Variants in TUT7 observed in about 807,000 individuals in gnomAD.
TUT7 encodes the protein terminal uridylyl transferase 7.
TUT7 carries 33 observed loss-of-function variants against 165.9 expected under a neutral mutation model. That is an observed-to-expected ratio of 0.20 (90% CI 0.15 to 0.27). TUT7 has a LOEUF of 0.27. Among genes scored for constraint, TUT7 ranks in the 10% least tolerant of loss-of-function variants. TUT7 has a pLI of 1.00. For synonymous variants in TUT7, 552 were observed against 608.1 expected (o/e 0.91, Z 1.36); for missense variants, 1,338 against 1,762.3 (o/e 0.76, Z 4.31).
chr9:86,319,929 C>G (rs1288300161), intron 14 of TUT7, among the ~76,000 whole-genome samples: 1 of 152,124 alleles, frequency 6.6e-6, no homozygotes, highest in Non-Finnish European at 1.5e-5. Flanking sequence ...GCCTCCCAGG[C>G]TCAAGCCATC....
At chr9:86,289,302 AAT>A (rs975823353) in intron 26 of TUT7, among the ~76,000 whole-genome samples, 2 of 152,200 alleles carry the variant, frequency 1.3e-5, no homozygotes, top group Admixed American at 1.3e-4. Context: ...AGTCTGAACA[AAT>A]AGATCAACGA....
intron 14 of TUT7, among the ~76,000 whole-genome samples, chr9:86,319,925 C>T (rs1464435816): frequency 6.6e-6 from 1 of 152,136 alleles, no homozygotes; most frequent in East Asian, 1.9e-4. Context: ...CTCTGCCTCC[C>T]AGGCTCAAGC....
At chr9:86,309,400 G>A in intron 20 of TUT7, 63 bp downstream of exon 20, 1 of 1,488,970 alleles carries the variant, frequency 6.7e-7, no homozygotes, top group Non-Finnish European at 9.2e-7. Flanking sequence ...AATTTTAGAG[G>A]AGGAGAAAGG....
intron 5 of TUT7, among the ~76,000 whole-genome samples, chr9:86,343,934 T>C (rs373392560): frequency 2.0e-5 from 3 of 152,318 alleles, no homozygotes; most frequent in African/African-American, 4.8e-5. Flanking sequence ...AGTGATTTCT[T>C]TGGGTTTTAG....
rs182711239 is a variant in TUT7, at chr9:86,296,902, A to G, written c.4420+4374T>C. 1.3e-4 allele frequency among the ~76,000 whole-genome samples: 20 copies of G among 152,366 alleles called. 1 individual carries two copies. In the Middle Eastern group the frequency reaches 0.031, roughly 233 times the overall value. On this transcript the variant is annotated intron_variant, in intron 26 of 26. Coordinates refer to ENST00000375963, the MANE Select transcript of TUT7 (RefSeq NM_024617.4). The stretch of plus-strand genomic sequence containing the variant: ...TATATCACAGATAAACTAGACAGTT[A>G]TATCATCTGACATATACTTATTTGG...
intron 26 of TUT7, chr9:86,298,928 A>G: frequency 3.8e-6 from 2 of 519,542 alleles, no homozygotes; most frequent in African/African-American, 4.1e-5. Context: ...GAAATAAGGC[A>G]TGTGGGTGGC....
intron 11 of TUT7, 117 bp from the exon 12 acceptor site, chr9:86,325,631 G>T: frequency 1.1e-6 from 1 of 884,774 alleles, no homozygotes; most frequent in Non-Finnish European, 1.7e-6. Context: ...AAAGATATAA[G>T]CCTGACAATC....
intron 5 of TUT7, among the ~76,000 whole-genome samples, chr9:86,343,879 A>G (rs902107842): frequency 8.5e-5 from 13 of 152,168 alleles, no homozygotes; most frequent in African/African-American, 3.1e-4. Context: ...ATCCTTTCTC[A>G]TCAGGGGTTG....
rs1368816553 is a variant in TUT7, at chr9:86,340,990, A to C, written c.1138+12T>G. The C allele has an allele frequency of 6.2e-7, 1 of 1,606,504 alleles. No individual in the cohort carries two copies. The highest frequency in any genetic ancestry group is 8.5e-7 in the Non-Finnish European group (1 of 1,175,692). On this transcript the variant is annotated intron_variant, in intron 7 of 26. Coordinates refer to ENST00000375963, the MANE Select transcript of TUT7 (RefSeq NM_024617.4). ...AACATAAAAATTTTTTAAATGTGGA[A>C]TTTGGCCTTACCACTGTTCTTTAAA...
chr9:86,345,085 T>A lies in TUT7; in HGVS notation c.889A>T (p.Ile297Phe). 6.2e-7 allele frequency: 1 copy of A among 1,613,890 alleles called. No homozygotes were observed. Among genetic ancestry groups the A allele is most frequent in the Non-Finnish European group, 8.5e-7 (1 of 1,179,886 alleles). ...TCCTGTACCACTTTGTCAATGGCAA[T>A]GCCAACTGCATTTATCTGGGAGGGT... is the stretch of plus-strand genomic sequence containing the variant. ...PTPSQINAVG[I>F]AIDKVVQEFG... The change falls in exon 5 of 27, where the codon ATT becomes TTT. Residue 297 changes from isoleucine to phenylalanine, a missense_variant. Around this residue, in one of 7 missense-constraint regions of TUT7, gnomAD observed 434 missense variants for 480.8 expected, o/e 0.90. Coordinates refer to ENST00000375963, the MANE Select transcript of TUT7 (RefSeq NM_024617.4).
At chr9:86,318,080 A>G (rs1828896457) in intron 16 of TUT7, among the ~76,000 whole-genome samples, 1 of 152,224 alleles carries the variant, frequency 6.6e-6, no homozygotes, top group Non-Finnish European at 1.5e-5. Flanking sequence ...AAGACTTGAA[A>G]CTAAGAAAAG....
Position 86,313,620 on chromosome 9 carries a change from T to A in TUT7, c.3275-2811A>T, listed in dbSNP as rs569461606. On this transcript the variant is annotated intron_variant, in intron 17 of 26. Transcript: ENST00000375963. ...AGCCGGAATTCAAATCTAGGTAAGA[T>A]TGACTCCCAACTTATACTGAACCTA... Among the ~76,000 whole-genome samples the A allele has an allele frequency of 1.4e-4, 21 of 152,282 alleles. No homozygotes were observed. The South Asian group carries it at 4.4e-3, about 32-fold the overall frequency.
At chr9:86,353,289 A>T in intron 1 of TUT7, 59 bp from the exon 2 acceptor site, 2 of 1,354,378 alleles carry the variant, frequency 1.5e-6, no homozygotes, top group Non-Finnish European at 2.0e-6. Flanking sequence ...ATACAAGTAT[A>T]CAAAATAACA....
chr9:86,298,704 G>C (rs934044679), intron 26 of TUT7: 1 of 812,182 alleles, frequency 1.2e-6, no homozygotes, highest in South Asian at 5.6e-5. Flanking sequence ...GTCTCAAAAG[G>C]CATGTGGTAA....
chr9:86,346,508 C>T (rs1831780991), intron 2 of TUT7, 28 bp from the exon 3 acceptor site: 1 of 1,604,464 alleles, frequency 6.2e-7, no homozygotes, highest in African/African-American at 1.3e-5. Flanking sequence ...ATATTATTGG[C>T]AATATTAAAT....
chr9:86,353,154 G>T lies in TUT7; in HGVS notation c.46C>A (p.Arg16=). ...AAGTCATCATCATCCATAGTCCCCC[G>T]GTCTTTAGTGCGCTTCACGAAATAA... ...KPYFVKRTKD[R]GTMDDDDFRR... Residue 16 remains arginine (R), a synonymous_variant, in exon 2 of 27, where the codon CGG becomes AGG. Coordinates refer to ENST00000375963, the MANE Select transcript of TUT7 (RefSeq NM_024617.4). The T allele has an allele frequency of 6.2e-7, 1 of 1,605,278 alleles. No homozygotes were observed. The highest frequency in any genetic ancestry group is 1.1e-5 in the South Asian group (1 of 89,286).
intron 17 of TUT7, among the ~76,000 whole-genome samples, chr9:86,312,188 C>T (rs1378045065): frequency 4.6e-5 from 7 of 151,590 alleles, no homozygotes; most frequent in Admixed American, 2.0e-4. Flanking sequence ...CGCCTCTTCC[C>T]GGCCGCCATC....
At chr9:86,320,793 C>T (rs971974625) in intron 14 of TUT7, among the ~76,000 whole-genome samples, 3 of 152,118 alleles carry the variant, frequency 2.0e-5, no homozygotes, top group Non-Finnish European at 4.4e-5. Context: ...TCTCTTCCAA[C>T]GATTTTGGGA....
chr9:86,301,666 TC>T, intron 25 of TUT7, 65 bp from the exon 26 acceptor site: 1 of 1,533,330 alleles, frequency 6.5e-7, no homozygotes, highest in Non-Finnish European at 8.7e-7. Context: ...TTAAGGCAAT[TC>T]CCAAAATATT....
Sources: gnomAD v4.1 joint callset for allele counts (sites outside exome capture counted in the v4.1 genomes callset) on GRCh38, gnomAD v4.1.1 for gene constraint, gnomAD v4.1.1 regional missense constraint, MANE v1.5 for transcripts, NCBI Gene and HGNC (gene_info 2026-07-23, HGNC 2026-07-21) for gene names.